Variants in ADGRB3 observed in about 807,000 individuals in gnomAD.
ADGRB3 encodes brain-specific angiogenesis inhibitor 3.
Under a neutral mutation model 193.4 loss-of-function variants are expected in ADGRB3, and 37 were observed. That is an observed-to-expected ratio of 0.19 (90% CI 0.15 to 0.25). The LOEUF (loss-of-function observed/expected upper bound fraction) is 0.25. Among genes scored for constraint, ADGRB3 ranks in the 10% least tolerant of loss-of-function variants. The pLI, the probability that ADGRB3 is intolerant of heterozygous loss-of-function variation, is 1.00. For synonymous variants in ADGRB3, 690 were observed against 644.2 expected (o/e 1.07, Z -1.08); for missense variants, 1,637 against 1,852.9 (o/e 0.88, Z 2.14).
chr6:69,213,619 A>T (rs1366930051), intron 17 of ADGRB3, among the ~76,000 whole-genome samples: 4 of 152,184 alleles, frequency 2.6e-5, no homozygotes, highest in Non-Finnish European at 5.9e-5. Context: ...AAGTACAGAC[A>T]GTACAACATG....
chr6:69,081,885 G>T (rs570294711), intron 17 of ADGRB3, among the ~76,000 whole-genome samples: 1 of 152,164 alleles, frequency 6.6e-6, no homozygotes, highest in Non-Finnish European at 1.5e-5. Flanking sequence ...TTCAAGAAAT[G>T]CTGCATCATG....
At chr6:69,174,557 CA>C (rs1212002451) in intron 17 of ADGRB3, among the ~76,000 whole-genome samples, 2 of 152,202 alleles carry the variant, frequency 1.3e-5, no homozygotes, top group African/African-American at 4.8e-5. Flanking sequence ...CTGCAATGCA[CA>C]TATAAGTTCA....
intron 17 of ADGRB3, among the ~76,000 whole-genome samples, chr6:69,108,748 A>G (rs530138939): frequency 6.6e-6 from 1 of 152,326 alleles, no homozygotes; most frequent in East Asian, 1.9e-4. Flanking sequence ...ATTTGGAAAA[A>G]TGCTGGAAAA....
At chr6:69,144,911 C>CTTTCTTTCTTTCTTTCTTTT (rs1161311803) in intron 17 of ADGRB3, among the ~76,000 whole-genome samples, 5 of 150,842 alleles carry the variant, frequency 3.3e-5, no homozygotes, top group Non-Finnish European at 7.4e-5. Flanking sequence ...TTCTTTCTTT[C>CTTTCTTTCTTTCTTTCTTTT]TTTCTTTTTC....
At chr6:68,931,067 T>G (rs72904935) in intron 4 of ADGRB3, among the ~76,000 whole-genome samples, 2,692 of 152,106 alleles carry the variant, frequency 0.018, 36 homozygotes, top group Non-Finnish European at 0.023. Context: ...TATATTGAAT[T>G]TTTTCAAGTA....
intron 17 of ADGRB3, among the ~76,000 whole-genome samples, chr6:69,172,023 A>T (rs913282772): frequency 6.6e-6 from 1 of 152,180 alleles, no homozygotes; most frequent in African/African-American, 2.4e-5. Flanking sequence ...GCGCTGGTGC[A>T]ATAGCAGCTT....
At chr6:68,866,780 A>G (rs1765307841) in intron 3 of ADGRB3, among the ~76,000 whole-genome samples, 1 of 152,222 alleles carries the variant, frequency 6.6e-6, no homozygotes, top group South Asian at 2.1e-4. Context: ...TTTAGCAAAA[A>G]GATTGGCAGC....
intron 20 of ADGRB3, among the ~76,000 whole-genome samples, chr6:69,324,535 T>A (rs949160793): frequency 3.3e-5 from 5 of 152,094 alleles, no homozygotes; most frequent in Non-Finnish European, 7.4e-5. Context: ...CTGTAACAAA[T>A]TAAATCAAAG....
chr6:69,100,992 A>G (rs1042364175), intron 17 of ADGRB3, among the ~76,000 whole-genome samples: 1 of 146,870 alleles, frequency 6.8e-6, no homozygotes, highest in African/African-American at 2.5e-5. Flanking sequence ...GGAAGGAAGG[A>G]AGGAAGGGAG....
At chr6:68,978,987 A>T (rs1279183687) in intron 10 of ADGRB3, among the ~76,000 whole-genome samples, 1 of 151,368 alleles carries the variant, frequency 6.6e-6, no homozygotes, top group Non-Finnish European at 1.5e-5. Flanking sequence ...AAATTTTATC[A>T]TTAATAAACA....
At chr6:68,717,360 T>C (rs1765506027) in intron 3 of ADGRB3, among the ~76,000 whole-genome samples, 1 of 151,698 alleles carries the variant, frequency 6.6e-6, no homozygotes, top group African/African-American at 2.4e-5. Context: ...AATAAAAGCC[T>C]TGGCATTAAA....
intron 17 of ADGRB3, among the ~76,000 whole-genome samples, chr6:69,131,360 A>G (rs1224452277): frequency 6.6e-6 from 1 of 152,058 alleles, no homozygotes; most frequent in South Asian, 2.1e-4. Context: ...TTCAATGAGT[A>G]CAGTTTCTAT....
In ADGRB3 at chr6:68,993,920, A is replaced by G; in HGVS notation, c.1887A>G (p.Thr629=). ...SVEILRNVTD[T]FKRASYIPAS... Reference sequence around the variant, plus strand: ...AGATCCTGAGAAATGTGACAGACACATTTAAAAGGGCAAGTTACATCCCTG... The same window carrying G: ...AGATCCTGAGAAATGTGACAGACACGTTTAAAAGGGCAAGTTACATCCCTG... Residue 629 remains threonine (T), a synonymous_variant, in exon 11 of 32, where the codon ACA becomes ACG. Coordinates refer to ENST00000370598, the MANE Select transcript of ADGRB3 (RefSeq NM_001704.3). 4.3e-6 allele frequency: 7 copies of G among 1,613,900 alleles called. No homozygotes were observed. Among genetic ancestry groups the G allele is most frequent in the Non-Finnish European group, 5.9e-6 (7 of 1,179,818 alleles).
intron 20 of ADGRB3, among the ~76,000 whole-genome samples, chr6:69,264,786 GA>G (rs545623418): frequency 7.3e-5 from 11 of 149,956 alleles, no homozygotes; most frequent in East Asian, 3.9e-4. Context: ...CAGTTACTGA[GA>G]AAAAAAAAGT....
intron 13 of ADGRB3, among the ~76,000 whole-genome samples, chr6:69,047,494 A>C (rs1771271946): frequency 6.6e-6 from 1 of 151,332 alleles, no homozygotes; most frequent in South Asian, 2.1e-4. Flanking sequence ...TATTAAGGAC[A>C]CAATTCTCTG....
At chr6:69,219,934 G>C (rs1765856999) in intron 17 of ADGRB3, among the ~76,000 whole-genome samples, 1 of 152,030 alleles carries the variant, frequency 6.6e-6, no homozygotes, top group South Asian at 2.1e-4. Context: ...AGGAGAAGCA[G>C]CCTGGGTTTT....
At chr6:69,133,389 G>A (rs1291838282) in intron 17 of ADGRB3, among the ~76,000 whole-genome samples, 10 of 152,068 alleles carry the variant, frequency 6.6e-5, no homozygotes, top group South Asian at 4.2e-4. Context: ...TGTAGCAATC[G>A]TGAATGGGAG....
chr6:69,263,230 A>G (rs1766967852), intron 20 of ADGRB3, among the ~76,000 whole-genome samples: 1 of 152,062 alleles, frequency 6.6e-6, no homozygotes, highest in Non-Finnish European at 1.5e-5. Context: ...ACTGACACTG[A>G]CATCAGTGAA....
chr6:68,813,751 C>T (rs1426143984), intron 3 of ADGRB3, among the ~76,000 whole-genome samples: 1 of 152,132 alleles, frequency 6.6e-6, no homozygotes, highest in Admixed American at 6.5e-5. Flanking sequence ...GTTCCCCTTC[C>T]TGTGTCCATG....
Sources: allele counts gnomAD v4.1 joint callset (sites outside exome capture counted in the v4.1 genomes callset), GRCh38; gene constraint gnomAD v4.1.1; transcripts MANE v1.5; gene names NCBI Gene and HGNC (gene_info 2026-07-23, HGNC 2026-07-21).